The following PCNX2 variants were observed in gnomAD, a reference collection of about 807,000 sequenced individuals.
The protein encoded by PCNX2 is pecanex 2.
A neutral mutation model predicts 223.8 loss-of-function variants in PCNX2; 168 were observed. The observed-to-expected ratio is 0.75, with a 90% CI of 0.66 to 0.85. The LOEUF is 0.85. PCNX2 is among the 40% of genes least tolerant of loss of function. PCNX2 has a pLI of 0.00. For missense variants in PCNX2, 2,507 were observed against 2,675.5 expected (o/e 0.94, Z 1.39); for synonymous variants, 1,006 against 1,052.6 (o/e 0.96, Z 0.86).
At chr1:233,273,147 T>TA (rs34006105) in intron 1 of PCNX2, among the ~76,000 whole-genome samples, 36,744 of 147,736 alleles carry the variant, frequency 0.25, 4,837 homozygotes, top group African/African-American at 0.35. Flanking sequence ...CCTATGGAAA[T>TA]AAAAAAAAAT....
Position 233,125,149 on chromosome 1 carries a change from AT to A in PCNX2, c.3837+9863del, listed in dbSNP as rs796620862. On this transcript the variant is annotated intron_variant, in intron 21 of 33. Coordinates refer to ENST00000258229, the MANE Select transcript of PCNX2 (RefSeq NM_014801.4). Reference sequence around the variant, plus strand: ...TCACCAGTGGCTTCTCTGTTGCTAAATCTAGTAGTGGCATTTCAGTGTTTCA... The same window carrying A: ...TCACCAGTGGCTTCTCTGTTGCTAAACTAGTAGTGGCATTTCAGTGTTTCA... Among the ~76,000 whole-genome samples the A allele has an allele frequency of 1.7e-4, 26 of 152,324 alleles. No homozygotes were observed. The East Asian group carries it at 3.5e-3, about 20-fold the overall frequency.
intron 21 of PCNX2, chr1:233,125,858 T>C (rs1558256701): frequency 1.3e-5 from 2 of 152,140 alleles, no homozygotes; most frequent in Non-Finnish European, 2.9e-5. Flanking sequence ...TAAAAACAGA[T>C]CTTCAATGCC....
At chr1:233,279,391 G>T (rs1190023666) in intron 1 of PCNX2, among the ~76,000 whole-genome samples, 4 of 122,090 alleles carry the variant, frequency 3.3e-5, no homozygotes, top group African/African-American at 8.8e-5. Flanking sequence ...ATTTGTGTTT[G>T]TGTGTGTGTG....
chr1:233,159,600 T>C (rs1171815238), intron 19 of PCNX2, among the ~76,000 whole-genome samples: 2 of 152,192 alleles, frequency 1.3e-5, no homozygotes, highest in Admixed American at 1.3e-4. Flanking sequence ...TCAGTCTTCT[T>C]CCATCCATTC....
At chr1:233,286,716 G>A (rs1304524572) in intron 1 of PCNX2, among the ~76,000 whole-genome samples, 1 of 152,072 alleles carries the variant, frequency 6.6e-6, no homozygotes, top group Non-Finnish European at 1.5e-5. Flanking sequence ...TGGAAAGGCA[G>A]CTCTCCAGAG....
intron 23 of PCNX2, chr1:233,087,263 G>C: frequency 1.0e-6 from 1 of 963,368 alleles, no homozygotes; most frequent in Non-Finnish European, 1.2e-6. Flanking sequence ...GGGAGCAGAG[G>C]TGAAAAGAAA....
intron 8 of PCNX2, among the ~76,000 whole-genome samples, chr1:233,247,560 G>A (rs1659195634): frequency 6.6e-6 from 1 of 152,042 alleles, no homozygotes; most frequent in South Asian, 2.1e-4. Flanking sequence ...CGAGACTCAA[G>A]TGATCTTCCC....
At chr1:233,058,816 C>T (rs1258122701) in intron 23 of PCNX2, among the ~76,000 whole-genome samples, 1 of 151,998 alleles carries the variant, frequency 6.6e-6, no homozygotes, top group Admixed American at 6.6e-5. Flanking sequence ...CAGACATGCG[C>T]CACATGCCCA....
At chr1:233,221,872 T>C (rs1343788501) in intron 10 of PCNX2, among the ~76,000 whole-genome samples, 1 of 152,156 alleles carries the variant, frequency 6.6e-6, no homozygotes, top group Non-Finnish European at 1.5e-5. Context: ...TGGCAGAAAT[T>C]AGGAAGGGGA....
chr1:233,116,491 A>G (rs955972393), intron 21 of PCNX2, among the ~76,000 whole-genome samples: 3 of 152,206 alleles, frequency 2.0e-5, no homozygotes, highest in Non-Finnish European at 4.4e-5. Flanking sequence ...AGAAATGAAT[A>G]ATAGAAAGAT....
chr1:233,070,069 A>C (rs1489730821), intron 23 of PCNX2, among the ~76,000 whole-genome samples: 1 of 152,190 alleles, frequency 6.6e-6, no homozygotes, highest in Non-Finnish European at 1.5e-5. Flanking sequence ...ATAATAGGGA[A>C]TATTACAAAT....
At chr1:233,321,478 A>G in the PCNX2 span, among the ~76,000 whole-genome samples, 2 of 151,982 alleles carry the variant, frequency 1.3e-5, no homozygotes, top group Non-Finnish European at 2.9e-5. Context: ...TTGTATTTTT[A>G]GTAGAGATGG....
chr1:233,052,692 T>C (rs933446898), intron 25 of PCNX2, among the ~76,000 whole-genome samples: 1 of 152,216 alleles, frequency 6.6e-6, no homozygotes, highest in African/African-American at 2.4e-5. Flanking sequence ...TTCATTTCTG[T>C]ATTCTTGGTA....
At chr1:232,992,281 C>T (rs546457343) in intron 32 of PCNX2, among the ~76,000 whole-genome samples, 4 of 152,290 alleles carry the variant, frequency 2.6e-5, no homozygotes, top group Non-Finnish European at 5.9e-5. Context: ...TGCTCCTGTC[C>T]CTCCCTGACC....
At chr1:233,320,350 CGTGT>C in the PCNX2 span, among the ~76,000 whole-genome samples, 32 of 149,898 alleles carry the variant, frequency 2.1e-4, no homozygotes, top group African/African-American at 7.1e-4. Context: ...TACATACATT[CGTGT>C]GTGTGTGTGT....
At chr1:233,304,711 G>C in the PCNX2 span, among the ~76,000 whole-genome samples, 66 of 152,166 alleles carry the variant, frequency 4.3e-4, no homozygotes, top group Non-Finnish European at 4.1e-4. Flanking sequence ...ACACTGCTTA[G>C]AATGTAGTAA....
intron 21 of PCNX2, among the ~76,000 whole-genome samples, chr1:233,101,191 T>C (rs1196417587): frequency 6.6e-6 from 1 of 152,084 alleles, no homozygotes; most frequent in Non-Finnish European, 1.5e-5. Flanking sequence ...TGGAAAACCA[T>C]CAGATGTTTT....
rs149640929 is a variant in PCNX2 at position 233,044,399 on chromosome 1, G to A, written c.4351+9869C>T. ...TGGTAGTTTCTTTTGCTGTGCAGAA[G>A]CTCTTTAGTTTAATTAGATCCCATT... On this transcript the variant is annotated intron_variant, in intron 25 of 33. Coordinates refer to ENST00000258229, the MANE Select transcript of PCNX2 (RefSeq NM_014801.4). Among the ~76,000 whole-genome samples, 5 of 152,094 alleles carry A rather than the reference G, an allele frequency of 3.3e-5. No homozygotes were observed. In the East Asian group the frequency reaches 7.7e-4, roughly 24 times the overall value.
At chr1:233,316,824 C>T in the PCNX2 span, among the ~76,000 whole-genome samples, 1 of 152,116 alleles carries the variant, frequency 6.6e-6, no homozygotes, top group Non-Finnish European at 1.5e-5. Flanking sequence ...TCTTACACTC[C>T]TCTTAATGTT....
Sources: gnomAD v4.1 joint callset for allele counts (sites outside exome capture counted in the v4.1 genomes callset) on GRCh38, gnomAD v4.1.1 for gene constraint, MANE v1.5 for transcripts, NCBI Gene and HGNC (gene_info 2026-07-23, HGNC 2026-07-21) for gene names.